NDUFA5: variants seen among roughly 807,000 people sequenced by gnomAD.
The protein encoded by NDUFA5 is NADH dehydrogenase [ubiquinone] 1 alpha subcomplex subunit 5.
A neutral mutation model predicts 19.8 loss-of-function variants in NDUFA5; 11 were observed. That is an observed-to-expected ratio of 0.56 (90% CI 0.35 to 0.92). The LOEUF (loss-of-function observed/expected upper bound fraction) is 0.92. Among genes scored for constraint, NDUFA5 ranks in the 40% least tolerant of loss-of-function variants. The probability of loss-of-function intolerance (pLI) is 0.01; values close to 1 mark genes in which losing one functional copy is unlikely to be tolerated. For missense variants in NDUFA5, 109 were observed against 134.2 expected (o/e 0.81, Z 0.93); for synonymous variants, 47 against 46.8 (o/e 1.00, Z -0.01).
rs1797782562 is a variant in NDUFA5 at position 123,537,338 on chromosome 7, A to T, written c.*4781T>A. 2 of 152,292 alleles carry T rather than the reference A, an allele frequency of 1.3e-5. No homozygotes were observed. Among genetic ancestry groups the T allele is most frequent in the African/African-American group, 4.8e-5 (2 of 41,578 alleles). The allele number at this position is 152,292 out of a possible 1,614,324, so 9.4% of individuals were successfully genotyped here. ...AAAATGAATAATGAATATTTTTAAT[A>T]TTAAAATAATTTAGAAAACTAAGGA... On this transcript the variant is annotated 3_prime_UTR_variant, in exon 5 of 5. Coordinates refer to ENST00000355749, the MANE Select transcript of NDUFA5 (RefSeq NM_005000.5).
chr7:123,543,661 C>A (rs573383557), intron 4 of NDUFA5, among the ~76,000 whole-genome samples: 1 of 152,266 alleles, frequency 6.6e-6, no homozygotes, highest in Admixed American at 6.5e-5. Context: ...GGGAACTGCA[C>A]AGCTGACTTA....
rs1452012371 is a variant in NDUFA5, at chr7:123,539,446, T to C, written c.*2673A>G. On this transcript the variant is annotated 3_prime_UTR_variant, in exon 5 of 5. Transcript: ENST00000355749. ...GCCATTTCTTCTTTCTTAGCAAAGCTCAAATTGATTAGCTTCTCTTTCTTT... is the reference window on the plus strand; with the variant it reads ...GCCATTTCTTCTTTCTTAGCAAAGCCCAAATTGATTAGCTTCTCTTTCTTT... 1 of 152,226 alleles carries C rather than the reference T, an allele frequency of 6.6e-6. No homozygotes were observed. The highest frequency in any genetic ancestry group is 1.5e-5 in the Non-Finnish European group (1 of 68,032). The allele number at this position is 152,226 out of a possible 1,614,324, so 9.4% of individuals were successfully genotyped here.
the NDUFA5 span, among the ~76,000 whole-genome samples, chr7:123,578,451 C>T: frequency 6.6e-6 from 1 of 151,866 alleles, no homozygotes. Context: ...TTTCCTCCTT[C>T]TACTTATTTT....
At chr7:123,572,131 CTTTTTTTTTTT>C in the NDUFA5 span, among the ~76,000 whole-genome samples, 6 of 47,978 alleles carry the variant, frequency 1.3e-4, no homozygotes, top group African/African-American at 3.5e-4. Context: ...TGTAGAATTT[CTTTTTTTTTTT>C]TTTTTTTTTT....
the NDUFA5 span, among the ~76,000 whole-genome samples, chr7:123,578,881 G>T: frequency 7.5e-3 from 1,142 of 152,122 alleles, 16 homozygotes; most frequent in African/African-American, 0.026. Flanking sequence ...ATAAACCTAT[G>T]ACAATGTAAT....
the NDUFA5 span, among the ~76,000 whole-genome samples, chr7:123,569,189 C>T: frequency 1.3e-5 from 2 of 151,976 alleles, no homozygotes; most frequent in African/African-American, 2.4e-5. Flanking sequence ...TCATTTTGTC[C>T]GGTGGTCATG....
the NDUFA5 span, among the ~76,000 whole-genome samples, chr7:123,575,095 C>A: frequency 1.5e-5 from 2 of 129,112 alleles, no homozygotes; most frequent in South Asian, 2.4e-4. Flanking sequence ...TAAAAAATAT[C>A]TTTGCCTAGG....
At chr7:123,572,568 G>A in the NDUFA5 span, among the ~76,000 whole-genome samples, 3 of 150,872 alleles carry the variant, frequency 2.0e-5, no homozygotes, top group Non-Finnish European at 4.4e-5. Context: ...TCTTCTTGGT[G>A]GTTGTTCCTT....
In NDUFA5 at chr7:123,542,053, G is replaced by A. The variant is rs1316157894; in HGVS notation, c.*66C>T. On this transcript the variant is annotated 3_prime_UTR_variant, in exon 5 of 5. Transcript: ENST00000355749. ...TACAAAATGTCAGTAATAAGAACACGCTCTTAATATAACAGAATATTTAAT... is the reference window on the plus strand; with the variant it reads ...TACAAAATGTCAGTAATAAGAACACACTCTTAATATAACAGAATATTTAAT... 4 of 1,121,296 alleles carry A rather than the reference G, an allele frequency of 3.6e-6. No individual in the cohort carries two copies. Among genetic ancestry groups the A allele is most frequent in the African/African-American group, 3.2e-5 (2 of 62,166 alleles). 69.5% of individuals were successfully genotyped at this position (1,121,296 alleles called of 1,614,324 possible). A position where few individuals can be genotyped will look rare whatever the true frequency, so the allele number is the denominator to read the frequency against.
At chr7:123,550,700 T>A in intron 2 of NDUFA5, 114 bp from the exon 3 acceptor site, 1 of 274,268 alleles carries the variant, frequency 3.6e-6, no homozygotes, top group Non-Finnish European at 6.8e-6. Context: ...TTTTTTTTGC[T>A]TTTTTTTTTT....
the NDUFA5 span, among the ~76,000 whole-genome samples, chr7:123,581,142 C>T: frequency 5.3e-5 from 8 of 151,664 alleles, no homozygotes; most frequent in Non-Finnish European, 1.2e-4. Context: ...CAGCTCTTTG[C>T]GGAGGAGGAG....
At chr7:123,597,318 T>C in the NDUFA5 span, among the ~76,000 whole-genome samples, 1 of 152,246 alleles carries the variant, frequency 6.6e-6, no homozygotes, top group Non-Finnish European at 1.5e-5. Context: ...GTGTTTGTGT[T>C]CAAGGAACCT....
the NDUFA5 span, among the ~76,000 whole-genome samples, chr7:123,574,619 C>T: frequency 6.6e-6 from 1 of 152,174 alleles, no homozygotes; most frequent in African/African-American, 2.4e-5. Context: ...AGCATCATAT[C>T]TACATTCCCA....
chr7:123,563,418 G>A, the NDUFA5 span, among the ~76,000 whole-genome samples: 5 of 152,134 alleles, frequency 3.3e-5, no homozygotes, highest in South Asian at 2.1e-4. Flanking sequence ...ACAGCCAGTC[G>A]GTGGAGCAAC....
chr7:123,579,871 T>C, the NDUFA5 span, among the ~76,000 whole-genome samples: 1 of 152,114 alleles, frequency 6.6e-6, no homozygotes, highest in African/African-American at 2.4e-5. Flanking sequence ...ACTGCAGGTT[T>C]CTCTTGCCAT....
chr7:123,550,818 T>C (rs1314504881), intron 2 of NDUFA5, among the ~76,000 whole-genome samples: 1 of 152,214 alleles, frequency 6.6e-6, no homozygotes, highest in Non-Finnish European at 1.5e-5. Context: ...GTATTTTCTG[T>C]GTATAACAAG....
chr7:123,576,091 A>G, the NDUFA5 span, among the ~76,000 whole-genome samples: 1 of 151,124 alleles, frequency 6.6e-6, no homozygotes, highest in African/African-American at 2.4e-5. Context: ...GATATATAGG[A>G]ATATGCTTTA....
chr7:123,537,118 A>G lies in NDUFA5; in HGVS notation c.*5001T>C, dbSNP rs1483550377. 6.6e-6 allele frequency: 1 copy of G among 152,204 alleles called. No homozygotes were observed. The highest frequency in any genetic ancestry group is 1.5e-5 in the Non-Finnish European group (1 of 68,026). 9.4% of individuals were successfully genotyped at this position (152,204 alleles called of 1,614,324 possible). A position where few individuals can be genotyped will look rare whatever the true frequency, so the allele number is the denominator to read the frequency against. ...CATTTTCCATTTTCCTTTTCATGAT[A>G]AATCTATGCATTTTCTCAGGATTTA... On this transcript the variant is annotated 3_prime_UTR_variant, in exon 5 of 5. Coordinates refer to ENST00000355749, the MANE Select transcript of NDUFA5 (RefSeq NM_005000.5).
the NDUFA5 span, among the ~76,000 whole-genome samples, chr7:123,584,446 A>G: frequency 2.0e-4 from 31 of 152,068 alleles, no homozygotes; most frequent in African/African-American, 7.0e-4. Context: ...ATGCAAGTCA[A>G]ACCTAAGAAC....
Sources: allele counts gnomAD v4.1 joint callset (sites outside exome capture counted in the v4.1 genomes callset), GRCh38; gene constraint gnomAD v4.1.1; transcripts MANE v1.5; gene names NCBI Gene and HGNC (gene_info 2026-07-23, HGNC 2026-07-21).